The following DNER variants were observed in gnomAD, a reference collection of about 807,000 sequenced individuals.
The protein encoded by DNER is delta/notch like EGF repeat containing, also known as delta and Notch-like epidermal growth factor-related receptor.
A neutral mutation model predicts 78.2 loss-of-function variants in DNER; 33 were observed. The observed-to-expected ratio is 0.42, with a 90% CI of 0.32 to 0.56. The LOEUF is 0.56. Among genes scored for constraint, DNER ranks in the 20% least tolerant of loss-of-function variants. DNER has a pLI of 0.11. For synonymous variants in DNER, 417 were observed against 384.8 expected, an observed-to-expected ratio of 1.08 and a Z score of -0.98; for missense variants, 918 against 975.3, an observed-to-expected ratio of 0.94 and a Z score of 0.78.
At chr2:229,590,872 G>C (rs1365740869) in intron 2 of DNER, among the ~76,000 whole-genome samples, 1 of 152,190 alleles carries the variant, frequency 6.6e-6, no homozygotes, top group African/African-American at 2.4e-5. Context: ...TTGGGCCATG[G>C]GGGCAGATCT....
At chr2:229,619,000 T>A (rs1698211004) in intron 1 of DNER, among the ~76,000 whole-genome samples, 2 of 152,048 alleles carry the variant, frequency 1.3e-5, no homozygotes, top group African/African-American at 2.4e-5. Context: ...CTACAAAAAA[T>A]TTTAAAATTA....
chr2:229,594,910 C>T (rs1184266307), intron 1 of DNER, among the ~76,000 whole-genome samples: 1 of 133,420 alleles, frequency 7.5e-6, no homozygotes. Context: ...TGAGGACTTA[C>T]TATGACAAGA....
intron 8 of DNER, among the ~76,000 whole-genome samples, chr2:229,432,489 C>A (rs188842833): frequency 6.6e-6 from 1 of 152,032 alleles, no homozygotes; most frequent in Admixed American, 6.6e-5. Context: ...AAATTTTAAA[C>A]GGTATAAAAG....
intron 1 of DNER, among the ~76,000 whole-genome samples, chr2:229,708,356 C>G (rs1699860588): frequency 6.6e-6 from 1 of 152,192 alleles, no homozygotes; most frequent in Non-Finnish European, 1.5e-5. Context: ...ATCTGGGGGA[C>G]AGGGGAACCG....
chr2:229,434,746 A>G (rs959752146), intron 8 of DNER, among the ~76,000 whole-genome samples: 2 of 152,114 alleles, frequency 1.3e-5, no homozygotes, highest in Admixed American at 6.5e-5. Context: ...CTCAATCTAT[A>G]TGGAATTATG....
At chr2:229,675,633 G>A (rs1463732715) in intron 1 of DNER, among the ~76,000 whole-genome samples, 1 of 152,148 alleles carries the variant, frequency 6.6e-6, no homozygotes, top group Non-Finnish European at 1.5e-5. Context: ...CCAGAAGGAT[G>A]GTACTCCAGG....
chr2:229,461,908 A>G (rs552554384), intron 7 of DNER, among the ~76,000 whole-genome samples: 1 of 152,282 alleles, frequency 6.6e-6, no homozygotes, highest in Non-Finnish European at 1.5e-5. Flanking sequence ...TTTCAAACAC[A>G]TGGAAACAAT....
chr2:229,529,879 T>C (rs757838975), intron 5 of DNER, among the ~76,000 whole-genome samples: 1 of 152,106 alleles, frequency 6.6e-6, no homozygotes, highest in African/African-American at 2.4e-5. Flanking sequence ...TAAGTTGGTA[T>C]ACCCGTGTGG....
intron 12 of DNER, among the ~76,000 whole-genome samples, chr2:229,364,844 CTTTTTTT>C (rs34346714): frequency 7.9e-5 from 6 of 75,478 alleles, no homozygotes; most frequent in East Asian, 3.5e-4. Context: ...CTCTCTCTCT[CTTTTTTT>C]TTTTTTTTTT....
chr2:229,530,130 A>G (rs1367842227), intron 5 of DNER, among the ~76,000 whole-genome samples: 1 of 152,242 alleles, frequency 6.6e-6, no homozygotes, highest in Non-Finnish European at 1.5e-5. Flanking sequence ...AAAAATTTTA[A>G]GTTTTTCTAT....
At chr2:229,440,221 A>G (rs1211097231) in intron 8 of DNER, among the ~76,000 whole-genome samples, 1 of 152,204 alleles carries the variant, frequency 6.6e-6, no homozygotes, top group Non-Finnish European at 1.5e-5. Context: ...GAAGGCAAAT[A>G]TCACGAATTC....
chr2:229,500,511 T>C (rs563846545), intron 6 of DNER, among the ~76,000 whole-genome samples: 6 of 152,334 alleles, frequency 3.9e-5, no homozygotes, highest in African/African-American at 1.2e-4. Flanking sequence ...TACTGCATGA[T>C]GCAGTAATCT....
At chr2:229,404,172 G>A (rs1693330675) in intron 10 of DNER, among the ~76,000 whole-genome samples, 1 of 152,128 alleles carries the variant, frequency 6.6e-6, no homozygotes, top group Non-Finnish European at 1.5e-5. Context: ...GTCCTTGGTA[G>A]TTGGATGGAG....
At chr2:229,525,137 G>A (rs946870602) in intron 5 of DNER, among the ~76,000 whole-genome samples, 1 of 152,118 alleles carries the variant, frequency 6.6e-6, no homozygotes, top group Admixed American at 6.6e-5. Context: ...AAAAATATGC[G>A]TGTGTCTCAA....
At chr2:229,649,465 A>G (rs989296405) in intron 1 of DNER, among the ~76,000 whole-genome samples, 1 of 152,210 alleles carries the variant, frequency 6.6e-6, no homozygotes, top group African/African-American at 2.4e-5. Context: ...GGGGAAAAAA[A>G]TCCTGATTTA....
At chr2:229,428,660 G>A (rs6725862) in intron 8 of DNER, among the ~76,000 whole-genome samples, 8,316 of 140,346 alleles carry the variant, frequency 0.059, 322 homozygotes, top group African/African-American at 0.11. Context: ...CCAGAAAAAC[G>A]GAAGTGATTT....
At chr2:229,651,381 G>A (rs966342399) in intron 1 of DNER, among the ~76,000 whole-genome samples, 3 of 152,222 alleles carry the variant, frequency 2.0e-5, no homozygotes, top group Non-Finnish European at 4.4e-5. Context: ...CTGAGTCGTC[G>A]ATGTTTTCCT....
At chr2:229,615,326 G>A (rs532141968) in intron 1 of DNER, among the ~76,000 whole-genome samples, 267 of 150,096 alleles carry the variant, frequency 1.8e-3, no homozygotes, top group Middle Eastern at 3.4e-3. Flanking sequence ...CAGAAGAATC[G>A]TTTGAACCTT....
chr2:229,368,507 T>C (rs917906525), intron 11 of DNER, among the ~76,000 whole-genome samples: 1 of 152,146 alleles, frequency 6.6e-6, no homozygotes. Context: ...TGAAAAGATA[T>C]CCACTAAACA....
Sources: gnomAD v4.1 joint callset for allele counts (sites outside exome capture counted in the v4.1 genomes callset) on GRCh38, gnomAD v4.1.1 for gene constraint, MANE v1.5 for transcripts, NCBI Gene and HGNC (gene_info 2026-07-23, HGNC 2026-07-21) for gene names.